Variants in WAS observed in about 807,000 individuals in gnomAD.
WAS encodes actin nucleation-promoting factor WAS.
In WAS, 1 loss-of-function variant was observed where a neutral mutation model predicts 38.9. The observed-to-expected ratio is 0.03, with a 90% CI of 0.01 to 0.12. The LOEUF is 0.12. WAS is among the 10% of genes least tolerant of loss of function. The pLI is 1.00. For missense variants in WAS, 311 were observed against 431.2 expected, an observed-to-expected ratio of 0.72 and a Z score of 2.47; for synonymous variants, 182 against 173.6, an observed-to-expected ratio of 1.05 and a Z score of -0.38.
At chrX:48,679,223 T>C (rs1275102193), upstream of WAS, among the ~76,000 whole-genome samples, 1 of 110,346 alleles carries the variant, frequency 9.1e-6, no homozygotes, top group Non-Finnish European at 1.9e-5. Context: ...GGGGTTTTGC[T>C]ATGTTGCCCA....
intron 7 of WAS, 101 bp from the exon 8 acceptor site, chrX:48,687,953 C>T: frequency 1.1e-6 from 1 of 899,436 alleles, no homozygotes. Context: ...AATTCTGGCC[C>T]CTCAGAGTCT....
intron 10 of WAS, 70 bp downstream of exon 10, chrX:48,689,136 G>T (rs948156852): frequency 4.6e-6 from 5 of 1,091,880 alleles, no homozygotes; most frequent in East Asian, 3.0e-5. Flanking sequence ...CAGGATACTG[G>T]GGGGCTGAGG....
Position 48,684,286 on chromosome X carries a change from C to T in WAS, c.136C>T (p.Leu46=). Residue 46 remains leucine (L), a synonymous_variant, in exon 2 of 12, where the codon CTG becomes TTG. Coordinates refer to ENST00000376701, the MANE Select transcript of WAS (RefSeq NM_000377.3). Reference sequence around the variant, plus strand: ...GACCCCTGCTTTCCTCTCCCAGACGCTGGCCACTGCAGTTGTTCAGCTGTA... The same window carrying T: ...GACCCCTGCTTTCCTCTCCCAGACGTTGGCCACTGCAGTTGTTCAGCTGTA... The part of the protein sequence containing the change: ...FEMLGRKCLT[L]ATAVVQLYLA... 1 of 1,211,857 alleles carries T rather than the reference C, an allele frequency of 8.3e-7. No individual in the cohort carries two copies. The highest frequency in any genetic ancestry group is 1.8e-5 in the South Asian group (1 of 57,023).
At chrX:48,678,683 G>A (rs2062395443) in intron 1 of WAS, among the ~76,000 whole-genome samples, 1 of 111,449 alleles carries the variant, frequency 9.0e-6, no homozygotes, top group African/African-American at 3.3e-5. Flanking sequence ...CTGGATTAAA[G>A]TTCCTGTTTT....
upstream of WAS, chrX:48,683,219 G>C (rs1557006096): frequency 1.8e-5 from 2 of 111,190 alleles, no homozygotes; most frequent in African/African-American, 6.6e-5. Context: ...TGAGCAGCTA[G>C]GACTACAGGT....
At chrX:48,684,120 T>G (rs2062411646) in intron 1 of WAS, 135 bp downstream of exon 1, 2 of 1,088,727 alleles carry the variant, frequency 1.8e-6, no homozygotes, top group South Asian at 1.9e-5. Flanking sequence ...CCCGTCATAA[T>G]CCACCCTTCC....
At position 48,684,437 on chromosome X, in the gene WAS, C is replaced by T. The variant is rs782249573; in HGVS notation, c.273+14C>T. Reference sequence around the variant, plus strand: ...TACGGCCTTCAGGTGACCCCCCCACCCCCGACTGGACTTGCAAGCCAGTTC... The same window carrying T: ...TACGGCCTTCAGGTGACCCCCCCACTCCCGACTGGACTTGCAAGCCAGTTC... On this transcript the variant is annotated intron_variant, in intron 2 of 11. Transcript: ENST00000376701. 243 of 1,199,403 alleles carry T rather than the reference C, an allele frequency of 2.0e-4. 1 individual carries two copies. The East Asian group carries it at 7.3e-3, about 36-fold the overall frequency.
chrX:48,690,488 C>G (rs1466690796), intron 11 of WAS, among the ~76,000 whole-genome samples: 3 of 112,299 alleles, frequency 2.7e-5, no homozygotes, highest in Non-Finnish European at 3.8e-5. Context: ...CTATTACTCT[C>G]TTAATCTGTC....
chrX:48,686,142 C>G lies in WAS; in HGVS notation c.559+8C>G, dbSNP rs1602177756. The G allele has an allele frequency of 8.3e-7, 1 of 1,211,420 alleles. No individual in the cohort carries two copies. The highest frequency in any genetic ancestry group is 1.1e-6 in the Non-Finnish European group (1 of 894,973). ...CAGGTGGAGACCAAGGAGGTGCGTG[C>G]TGATTCTTCCCTGTGTCTCTGGATG... On this transcript the variant is annotated splice_region_variant and intron_variant, in intron 6 of 11. Coordinates refer to ENST00000376701, the MANE Select transcript of WAS (RefSeq NM_000377.3).
Position 48,684,399 on chromosome X carries a change from C to T in WAS, c.249C>T (p.Tyr83=), listed in dbSNP as rs368151220. 2 of 1,207,684 alleles carry T rather than the reference C, an allele frequency of 1.7e-6. No individual in the cohort carries two copies. Among genetic ancestry groups the T allele is most frequent in the Non-Finnish European group, 2.2e-6 (2 of 894,315 alleles). ...CFVKDNPQKS[Y]FIRLYGLQAG... ...TGAAGGATAACCCCCAGAAGTCCTA[C>T]TTCATCCGCCTTTACGGCCTTCAGG... is the stretch of plus-strand genomic sequence containing the variant. The change falls in exon 2 of 12, where the codon TAC becomes TAT. Residue 83 remains tyrosine (Y), a synonymous_variant. Coordinates refer to ENST00000376701, the MANE Select transcript of WAS (RefSeq NM_000377.3).
chrX:48,686,211 G>A (rs2737796), intron 6 of WAS, 77 bp downstream of exon 6: 35 of 1,098,746 alleles, frequency 3.2e-5, no homozygotes, highest in East Asian at 6.0e-5. Context: ...GGATGGGTGC[G>A]TAAGTGGGTG....
At position 48,684,442 on chromosome X, in the gene WAS, A is replaced by G; in HGVS notation, c.273+19A>G. ...CCTTCAGGTGACCCCCCCACCCCCGACTGGACTTGCAAGCCAGTTCTCAAC... is the reference window on the plus strand; with the variant it reads ...CCTTCAGGTGACCCCCCCACCCCCGGCTGGACTTGCAAGCCAGTTCTCAAC... On this transcript the variant is annotated intron_variant, in intron 2 of 11. Coordinates refer to ENST00000376701, the MANE Select transcript of WAS (RefSeq NM_000377.3). 8.4e-7 allele frequency: 1 copy of G among 1,190,524 alleles called. No homozygotes were observed. Among genetic ancestry groups the G allele is most frequent in the Non-Finnish European group, 1.1e-6 (1 of 885,729 alleles).
In WAS at chrX:48,688,937, G is replaced by A. The variant is rs782281905; in HGVS notation, c.1209G>A (p.Pro403=). The change falls in exon 10 of 12, where the codon CCG becomes CCA. Residue 403 remains proline, a synonymous_variant. Coordinates refer to ENST00000376701, the MANE Select transcript of WAS (RefSeq NM_000377.3). ...CACCACCGCCACCACCGCCACCGCC[G>A]CCCAGCTCCGGGAATGGACCAGCCC... is the stretch of plus-strand genomic sequence containing the variant. The part of the protein sequence containing the change: ...MPPPPPPPPP[P]PSSGNGPAPP... The A allele has an allele frequency of 2.3e-5, 26 of 1,139,726 alleles. No homozygotes were observed. The highest frequency in any genetic ancestry group is 2.2e-4 in the South Asian group (11 of 50,860). 93.9% of individuals were successfully genotyped at this position (1,139,726 alleles called of 1,213,427 possible).
At chrX:48,685,922 G>A (rs2062418067) in intron 4 of WAS, 24 bp from the exon 5 acceptor site, 1 of 1,211,622 alleles carries the variant, frequency 8.3e-7, no homozygotes, top group African/African-American at 1.7e-5. Flanking sequence ...TCATGGTCCT[G>A]GCTCCCAATC....
chrX:48,681,178 GT>G (rs1205208643), upstream of WAS, among the ~76,000 whole-genome samples: 1 of 109,250 alleles, frequency 9.2e-6, no homozygotes, highest in African/African-American at 3.3e-5. Flanking sequence ...CGTTTTTTGT[GT>G]TTTTTTTTGA....
At chrX:48,689,996 C>CAA (rs1425722474) in intron 11 of WAS, among the ~76,000 whole-genome samples, 1 of 82,063 alleles carries the variant, frequency 1.2e-5, no homozygotes, top group African/African-American at 4.6e-5. Context: ...GATCCTATCT[C>CAA]AAAAAAAAAA....
At position 48,683,809 on chromosome X, in the gene WAS, C is replaced by A; in HGVS notation, c.-45C>A. On this transcript the variant is annotated 5_prime_UTR_variant, in exon 1 of 12. Transcript: ENST00000376701. ...TCATTGCGGAAGTTCCTCTTCTTACCCTGCACCCAGAGCCTCGCCAGAGAA... is the reference window on the plus strand; with the variant it reads ...TCATTGCGGAAGTTCCTCTTCTTACACTGCACCCAGAGCCTCGCCAGAGAA... 8.3e-7 allele frequency: 1 copy of A among 1,204,812 alleles called. No homozygotes were observed. The highest frequency in any genetic ancestry group is 1.1e-6 in the Non-Finnish European group (1 of 891,373).
In WAS at chrX:48,686,935, T is replaced by C. The variant is rs2062422211; in HGVS notation, c.714T>C (p.Ile238=). Residue 238 remains isoleucine (I), a synonymous_variant, in exon 7 of 12, where the codon ATT becomes ATC. Coordinates refer to ENST00000376701, the MANE Select transcript of WAS (RefSeq NM_000377.3). ...AGAAGAAGATCAGCAAAGCTGATAT[T>C]GGTGCACCCAGTGGATTCAAGTGAG... ...SGKKKISKAD[I]GAPSGFKHVS... is the part of the protein sequence containing the mutation. 1 of 1,206,160 alleles carries C rather than the reference T, an allele frequency of 8.3e-7. No homozygotes were observed. Among genetic ancestry groups the C allele is most frequent in the Non-Finnish European group, 1.1e-6 (1 of 893,184 alleles).
At chrX:48,690,384 G>T (rs1159788263) in intron 11 of WAS, among the ~76,000 whole-genome samples, 1 of 111,314 alleles carries the variant, frequency 9.0e-6, no homozygotes, top group Non-Finnish European at 1.9e-5. Flanking sequence ...CAGGGCTCAA[G>T]CGATCTGCCC....
Sources: allele counts gnomAD v4.1 joint callset (sites outside exome capture counted in the v4.1 genomes callset), GRCh38; gene constraint gnomAD v4.1.1; transcripts MANE v1.5; gene names NCBI Gene and HGNC (gene_info 2026-07-23, HGNC 2026-07-21).